Variants in GPATCH2 observed in about 807,000 individuals in gnomAD.
The protein encoded by GPATCH2 is G patch domain-containing protein 2.
A neutral mutation model predicts 58.0 loss-of-function variants in GPATCH2; 51 were observed. The ratio of observed to expected loss-of-function variants is 0.88; its 90% CI spans 0.70 to 1.11. The LOEUF (loss-of-function observed/expected upper bound fraction) is 1.11. Ranked by LOEUF, GPATCH2 falls within the 50% of genes most tolerant of loss-of-function variation. The pLI, the probability that GPATCH2 is intolerant of heterozygous loss-of-function variation, is 0.00. For missense variants in GPATCH2, 625 were observed against 652.2 expected (o/e 0.96, Z 0.45); for synonymous variants, 222 against 218.5 (o/e 1.02, Z -0.14).
At position 217,523,154 on chromosome 1, in the gene GPATCH2, GA is replaced by G. The variant is rs567092406; in HGVS notation, c.1099-8266del. On this transcript the variant is annotated intron_variant, in intron 5 of 9. Coordinates refer to ENST00000366935, the MANE Select transcript of GPATCH2 (RefSeq NM_018040.5). Reference sequence around the variant, plus strand: ...TCAATTCAGTATTCATAATAGAGAAGAAAAAAAATTTCAGTTTTTTATTTTA... The same window carrying G: ...TCAATTCAGTATTCATAATAGAGAAGAAAAAAATTTCAGTTTTTTATTTTA... 2.5e-3 allele frequency among the ~76,000 whole-genome samples: 374 copies of G among 151,436 alleles called. 10 individuals carry two copies. Among genetic ancestry groups the G allele is most frequent in the African/African-American group, 7.9e-3 (322 of 40,972 alleles).
chr1:217,520,663 G>T (rs188194310), intron 5 of GPATCH2, among the ~76,000 whole-genome samples: 101 of 152,118 alleles, frequency 6.6e-4, no homozygotes, highest in African/African-American at 2.4e-3. Context: ...TATATTGTTT[G>T]TTATGCTTTT....
chr1:217,574,280 G>A (rs1300572525), intron 5 of GPATCH2, among the ~76,000 whole-genome samples: 1 of 152,018 alleles, frequency 6.6e-6, no homozygotes, highest in Non-Finnish European at 1.5e-5. Flanking sequence ...TTTCTTAATG[G>A]TCTACTTTGG....
intron 5 of GPATCH2, among the ~76,000 whole-genome samples, chr1:217,520,578 C>T (rs1157144863): frequency 2.6e-5 from 4 of 152,096 alleles, no homozygotes; most frequent in African/African-American, 9.7e-5. Flanking sequence ...TCATAGCCCT[C>T]ATGTTATCTA....
At chr1:217,558,035 T>G (rs1420472120) in intron 5 of GPATCH2, among the ~76,000 whole-genome samples, 1 of 152,200 alleles carries the variant, frequency 6.6e-6, no homozygotes, top group East Asian at 1.9e-4. Context: ...AGCATTTTCA[T>G]GTAATTTCAT....
At chr1:217,494,509 C>G (rs1175922996) in intron 7 of GPATCH2, among the ~76,000 whole-genome samples, 1 of 152,136 alleles carries the variant, frequency 6.6e-6, no homozygotes, top group Non-Finnish European at 1.5e-5. Flanking sequence ...GAGGCCATGG[C>G]GGGCGGATCA....
At chr1:217,494,060 G>C (rs960684891) in intron 7 of GPATCH2, among the ~76,000 whole-genome samples, 1 of 152,130 alleles carries the variant, frequency 6.6e-6, no homozygotes, top group Non-Finnish European at 1.5e-5. Flanking sequence ...AGTTCTCAGA[G>C]AGGCCACCAA....
At chr1:217,488,666 ATTATT>A (rs938898417) in intron 8 of GPATCH2, among the ~76,000 whole-genome samples, 7 of 151,728 alleles carry the variant, frequency 4.6e-5, no homozygotes, top group Non-Finnish European at 7.4e-5. Context: ...TTAATCATAA[ATTATT>A]TTATTTTATT....
At chr1:217,626,619 T>A (rs1299456962) in intron 1 of GPATCH2, among the ~76,000 whole-genome samples, 1 of 152,204 alleles carries the variant, frequency 6.6e-6, no homozygotes. Flanking sequence ...TTCTGCTGCT[T>A]ATGGGAATTT....
chr1:217,551,008 C>T (rs1283158787), intron 5 of GPATCH2, among the ~76,000 whole-genome samples: 2 of 151,332 alleles, frequency 1.3e-5, no homozygotes, highest in Admixed American at 6.6e-5. Flanking sequence ...TTTTCATATG[C>T]TTATGCACTA....
intron 9 of GPATCH2, among the ~76,000 whole-genome samples, chr1:217,438,935 C>T (rs1658990728): frequency 1.3e-5 from 2 of 152,158 alleles, no homozygotes; most frequent in South Asian, 4.1e-4. Context: ...AGATTTAACA[C>T]TCTGCTGCCA....
At chr1:217,498,734 T>C (rs1262704918) in intron 6 of GPATCH2, 1 of 406,278 alleles carries the variant, frequency 2.5e-6, no homozygotes, top group East Asian at 5.4e-5. Flanking sequence ...AACTTAATTA[T>C]AGCATCATTA....
chr1:217,529,213 A>C (rs191826922), intron 5 of GPATCH2, among the ~76,000 whole-genome samples: 16 of 152,310 alleles, frequency 1.1e-4, no homozygotes, highest in Admixed American at 9.8e-4. Context: ...ATACAGAGAT[A>C]ACTGTAACTG....
intron 5 of GPATCH2, among the ~76,000 whole-genome samples, chr1:217,535,740 T>C (rs1664428165): frequency 6.6e-6 from 1 of 152,180 alleles, no homozygotes; most frequent in East Asian, 1.9e-4. Flanking sequence ...CCTAGAATAT[T>C]TGTTGAATGA....
intron 5 of GPATCH2, chr1:217,610,062 A>C: frequency 6.7e-7 from 1 of 1,486,404 alleles, no homozygotes; most frequent in South Asian, 1.4e-5. Context: ...CACTTCAATG[A>C]TATTCCTCCA....
At chr1:217,523,211 T>C (rs920382277) in intron 5 of GPATCH2, among the ~76,000 whole-genome samples, 23 of 151,660 alleles carry the variant, frequency 1.5e-4, no homozygotes, top group African/African-American at 4.6e-4. Context: ...TTCTTGGGTG[T>C]TTCTCCCAGA....
intron 9 of GPATCH2, among the ~76,000 whole-genome samples, chr1:217,438,656 C>A (rs528536761): frequency 5.9e-5 from 9 of 151,788 alleles, no homozygotes; most frequent in Non-Finnish European, 1.2e-4. Flanking sequence ...AGCATGAAGA[C>A]AAGATTAGAG....
At position 217,486,642 on chromosome 1, in the gene GPATCH2, G is replaced by A. The variant is rs531660161; in HGVS notation, c.1277+5038C>T. 8.5e-5 allele frequency among the ~76,000 whole-genome samples: 13 copies of A among 152,198 alleles called. No homozygotes were observed. The South Asian group carries it at 2.1e-3, about 24-fold the overall frequency. ...GCTACTCTGCCTGGCCTCTTCAAAC[G>A]TCTTGTCTTAGCCTATGAGTTCATC... On this transcript the variant is annotated intron_variant, in intron 8 of 9. Coordinates refer to ENST00000366935, the MANE Select transcript of GPATCH2 (RefSeq NM_018040.5).
Position 217,428,960 on chromosome 1 carries a change from A to G in GPATCH2, c.*2185T>C, listed in dbSNP as rs1341375992. 6.6e-6 allele frequency: 1 copy of G among 152,196 alleles called. No homozygotes were observed. The highest frequency in any genetic ancestry group is 1.5e-5 in the Non-Finnish European group (1 of 68,040). The allele number at this position is 152,196 out of a possible 1,614,324, so 9.4% of individuals were successfully genotyped here. A position where few individuals can be genotyped will look rare whatever the true frequency, so the allele number is the denominator to read the frequency against. ...TGAGGGTTTTTACTTCCATTAGAAC[A>G]TAATAAGGTGAAAAAGAACAGCCAA... On this transcript the variant is annotated 3_prime_UTR_variant, in exon 10 of 10. Coordinates refer to ENST00000366935, the MANE Select transcript of GPATCH2 (RefSeq NM_018040.5).
intron 5 of GPATCH2, chr1:217,609,346 T>TA (rs1312977545): frequency 1.3e-4 from 124 of 985,182 alleles, no homozygotes; most frequent in Non-Finnish European, 1.5e-4. Context: ...CAGCATTTGT[T>TA]AAAAATACCA....
Sources: gnomAD v4.1 joint callset for allele counts (sites outside exome capture counted in the v4.1 genomes callset) on GRCh38, gnomAD v4.1.1 for gene constraint, MANE v1.5 for transcripts, NCBI Gene and HGNC (gene_info 2026-07-23, HGNC 2026-07-21) for gene names.